TIAM2: variants seen among roughly 807,000 people sequenced by gnomAD.
The protein encoded by TIAM2 is rho guanine nucleotide exchange factor TIAM2.
In TIAM2, 80 loss-of-function variants were observed where a neutral mutation model predicts 152.9. The ratio of observed to expected loss-of-function variants is 0.52; its 90% CI spans 0.44 to 0.63. The LOEUF (loss-of-function observed/expected upper bound fraction) is 0.63. Among genes scored for constraint, TIAM2 ranks in the 30% least tolerant of loss-of-function variants. The pLI, the probability that TIAM2 is intolerant of heterozygous loss-of-function variation, is 0.00. For missense variants in TIAM2, 1,965 were observed against 2,120.1 expected (o/e 0.93, Z 1.44); for synonymous variants, 804 against 838.0 (o/e 0.96, Z 0.70).
chr6:155,256,867 G>T lies in TIAM2; in HGVS notation c.4852G>T (p.Gly1618Cys). The change falls in exon 27 of 27, where the codon GGT becomes TGT. Residue 1618 changes from glycine (G) to cysteine (C), a missense_variant. Gly to Cys is a radical substitution (Grantham distance 159). This residue lies in a region of TIAM2 where 935 missense variants were observed against 980.0 expected (regional missense o/e 0.95). Coordinates refer to ENST00000682666, the MANE Select transcript of TIAM2 (RefSeq NM_012454.4). ...GCAGCCTGGCCCGGAGTCGGGTGAG[G>T]GTCAGAAAGGAGGAGAGCAGCCCAA... is the stretch of plus-strand genomic sequence containing the variant. The part of the protein sequence containing the change: ...EQQPGPESGE[G>C]QKGGEQPKLV... 6.2e-6 allele frequency: 10 copies of T among 1,614,154 alleles called. No homozygotes were observed. The highest frequency in any genetic ancestry group is 8.5e-6 in the Non-Finnish European group (10 of 1,180,028).
Position 155,144,654 on chromosome 6 carries a change from A to G in TIAM2, c.1679A>G (p.Gln560Arg). ...YETYGKNSMD[Q>R]SSAPRCALFA... ...ACCTATGGGAAGAATTCCATGGATC[A>G]GAGCAGTGCCCCTCGGTGTGCTCTG... The change falls in exon 6 of 27, where the codon CAG becomes CGG. Residue 560 changes from glutamine to arginine, a missense_variant. Physicochemically the swap from Gln to Arg is conservative, Grantham distance 43. Coordinates refer to ENST00000682666, the MANE Select transcript of TIAM2 (RefSeq NM_012454.4). The G allele has an allele frequency of 6.3e-7, 1 of 1,591,420 alleles. No homozygotes were observed. The highest frequency in any genetic ancestry group is 8.5e-7 in the Non-Finnish European group (1 of 1,172,072).
chr6:155,087,302 G>A (rs905739097), intron 1 of TIAM2, among the ~76,000 whole-genome samples: 4 of 152,270 alleles, frequency 2.6e-5, no homozygotes, highest in African/African-American at 9.6e-5. Context: ...TTAAAATATG[G>A]CAGATCTTAT....
intron 1 of TIAM2, among the ~76,000 whole-genome samples, chr6:155,036,774 C>T (rs200701155): frequency 8.1e-4 from 123 of 151,764 alleles, no homozygotes; most frequent in Non-Finnish European, 3.5e-4. Context: ...TACACCACCA[C>T]GCCCAGCTAA....
chr6:155,057,325 C>T (rs760972789), intron 1 of TIAM2, among the ~76,000 whole-genome samples: 3 of 151,818 alleles, frequency 2.0e-5, no homozygotes, highest in Non-Finnish European at 4.4e-5. Context: ...AGGCATGAGC[C>T]ACTGCAGCTG....
rs751322089 is a variant in TIAM2 at position 155,245,662 on chromosome 6, G to A, written c.3583G>A (p.Ala1195Thr). The A allele has an allele frequency of 8.7e-6, 14 of 1,613,586 alleles. No homozygotes were observed. Among genetic ancestry groups the A allele is most frequent in the Non-Finnish European group, 1.1e-5 (13 of 1,179,904 alleles). The stretch of plus-strand genomic sequence containing the variant: ...CCTTGGAGGCTCTTTCCTTTATTAC[G>A]CGGACCACTTTAAACTGTACAGTGG... ...FSLGGSFLYY[A>T]DHFKLYSGFC... is the part of the protein sequence containing the mutation. Residue 1195 changes from alanine to threonine, a missense_variant, in exon 19 of 27, where the codon GCG becomes ACG. Physicochemically the swap from Ala to Thr is moderately conservative, Grantham distance 58. This residue lies in a region of TIAM2 where 935 missense variants were observed against 980.0 expected (regional missense o/e 0.95). Transcript: ENST00000682666.
intron 7 of TIAM2, among the ~76,000 whole-genome samples, chr6:155,158,663 T>TC (rs1250691997): frequency 6.6e-6 from 1 of 151,816 alleles, no homozygotes; most frequent in Non-Finnish European, 1.5e-5. Flanking sequence ...CAAGCTATCC[T>TC]CCCACCTCTG....
intron 4 of TIAM2, among the ~76,000 whole-genome samples, chr6:155,134,944 A>G (rs984198594): frequency 1.4e-4 from 22 of 152,084 alleles, no homozygotes; most frequent in African/African-American, 5.1e-4. Flanking sequence ...TGACCTCATG[A>G]TCTGCCCACC....
At chr6:155,152,443 G>A (rs567250885) in intron 7 of TIAM2, among the ~76,000 whole-genome samples, 16 of 152,296 alleles carry the variant, frequency 1.1e-4, no homozygotes, top group African/African-American at 3.4e-4. Flanking sequence ...CAGTGCAGCC[G>A]TACCTCCCCG....
rs1013694895 is a variant in TIAM2, at chr6:155,185,047, T to C, written c.3064+1547T>C. The stretch of plus-strand genomic sequence containing the variant: ...TATGTATTTTATCATAATAAGAAAT[T>C]ACCACAGAGGCTATAATACTTTTGG... On this transcript the variant is annotated intron_variant, in intron 14 of 26. Transcript: ENST00000682666. Among the ~76,000 whole-genome samples, 41 of 152,070 alleles carry C rather than the reference T, an allele frequency of 2.7e-4. 1 individual carries two copies. The highest frequency in any genetic ancestry group is 9.2e-4 in the African/African-American group (38 of 41,450).
At chr6:155,052,274 A>G (rs1477008952) in intron 1 of TIAM2, among the ~76,000 whole-genome samples, 1 of 152,160 alleles carries the variant, frequency 6.6e-6, no homozygotes, top group Non-Finnish European at 1.5e-5. Flanking sequence ...ATCTATCGTG[A>G]TTTTACTTTT....
chr6:155,141,651 A>G (rs1433095652), intron 5 of TIAM2, among the ~76,000 whole-genome samples: 1 of 152,168 alleles, frequency 6.6e-6, no homozygotes, highest in Non-Finnish European at 1.5e-5. Flanking sequence ...CATGCAGTTC[A>G]CTGGGGACTT....
chr6:155,105,442 C>T (rs1778661262), intron 2 of TIAM2, among the ~76,000 whole-genome samples: 1 of 152,104 alleles, frequency 6.6e-6, no homozygotes. Flanking sequence ...AGCCATCGCC[C>T]CTGGCCCTGG....
At chr6:155,044,945 C>T (rs757522508) in intron 1 of TIAM2, among the ~76,000 whole-genome samples, 9 of 152,036 alleles carry the variant, frequency 5.9e-5, no homozygotes, top group Non-Finnish European at 4.4e-5. Context: ...GTATTTAGCA[C>T]GGTGCATTTT....
chr6:155,248,225 C>A (rs770138557), intron 20 of TIAM2, 46 bp downstream of exon 20: 1 of 1,571,664 alleles, frequency 6.4e-7, no homozygotes, highest in Admixed American at 1.8e-5. Context: ...CACAGGGCGG[C>A]GAGGGGCTGC....
At chr6:155,125,295 A>G (rs569741501) in intron 2 of TIAM2, among the ~76,000 whole-genome samples, 6 of 151,944 alleles carry the variant, frequency 3.9e-5, no homozygotes, top group African/African-American at 1.2e-4. Flanking sequence ...GTGCCATTGA[A>G]CCCTCCTAAG....
At chr6:155,236,001 T>TTC (rs1311077592) in intron 15 of TIAM2, among the ~76,000 whole-genome samples, 1 of 152,148 alleles carries the variant, frequency 6.6e-6, no homozygotes, top group Non-Finnish European at 1.5e-5. Flanking sequence ...TTAATATAGA[T>TTC]TCTATAGCCC....
At chr6:155,147,176 CTTT>C (rs3028764) in intron 6 of TIAM2, among the ~76,000 whole-genome samples, 2 of 143,334 alleles carry the variant, frequency 1.4e-5, no homozygotes, top group African/African-American at 2.6e-5. Context: ...TTACATTGTT[CTTT>C]TTTTTTTTTT....
chr6:155,191,798 A>G (rs1781211240), intron 14 of TIAM2, among the ~76,000 whole-genome samples: 3 of 126,444 alleles, frequency 2.4e-5, no homozygotes, highest in Non-Finnish European at 5.0e-5. Context: ...CTGTCTCATA[A>G]AAAACAACAA....
At chr6:155,148,431 C>A in intron 7 of TIAM2, 97 bp downstream of exon 7, 1 of 1,238,316 alleles carries the variant, frequency 8.1e-7, no homozygotes, top group Non-Finnish European at 1.1e-6. Flanking sequence ...TCTTGGCTCA[C>A]ATCTTGGTGG....
Sources: gnomAD v4.1 joint callset for allele counts (sites outside exome capture counted in the v4.1 genomes callset) on GRCh38, gnomAD v4.1.1 for gene constraint, gnomAD v4.1.1 regional missense constraint, MANE v1.5 for transcripts, NCBI Gene and HGNC (gene_info 2026-07-23, HGNC 2026-07-21) for gene names.